TRIM26: variants seen among roughly 807,000 people sequenced by gnomAD.
The protein encoded by TRIM26 is tripartite motif-containing protein 26.
Under a neutral mutation model 45.5 loss-of-function variants are expected in TRIM26, and 16 were observed. That is an observed-to-expected ratio of 0.35 (90% CI 0.24 to 0.53). The LOEUF (loss-of-function observed/expected upper bound fraction) is 0.53. TRIM26 is among the 20% of genes least tolerant of loss of function. The probability of loss-of-function intolerance (pLI) is 0.92; values close to 1 mark genes in which losing one functional copy is unlikely to be tolerated. For synonymous variants in TRIM26, 273 were observed against 290.4 expected (o/e 0.94, Z 0.61); for missense variants, 442 against 691.1 (o/e 0.64, Z 4.04).
Position 30,186,146 on chromosome 6 carries a change from T to G in TRIM26, c.1350A>C (p.Gly450=). ...GVARDSVKRK[G]DLSLRPEDGV... is the part of the protein sequence containing the mutation. ...CATCCTCTGGCCGCAGGGAGAGGTC[T>G]CCCTTCCTCTTCACAGAGTCTCTAG... is the stretch of plus-strand genomic sequence containing the variant. Residue 450 remains glycine (G), a synonymous_variant, in exon 10 of 10, where the codon GGA becomes GGC. Transcript: ENST00000454678. The surrounding 1 kb of genome is among the most constrained non-coding windows in gnomAD (Gnocchi z 7.4). 1.3e-6 allele frequency: 2 copies of G among 1,594,138 alleles called. No individual in the cohort carries two copies. Among genetic ancestry groups the G allele is most frequent in the Non-Finnish European group, 1.7e-6 (2 of 1,169,912 alleles).
chr6:30,193,636 T>TGTA (rs1424930852), intron 6 of TRIM26, among the ~76,000 whole-genome samples: 1 of 152,198 alleles, frequency 6.6e-6, no homozygotes, highest in African/African-American at 2.4e-5. Context: ...TAACAGGGAT[T>TGTA]GTATTAAATC....
In TRIM26 at chr6:30,209,496, G is replaced by C. The variant is rs1238751615; in HGVS notation, c.-376+3809C>G. Among the ~76,000 whole-genome samples, 1 of 152,132 alleles carries C rather than the reference G, an allele frequency of 6.6e-6. No individual in the cohort carries two copies. The highest frequency in any genetic ancestry group is 1.5e-5 in the Non-Finnish European group (1 of 68,022). On this transcript the variant is annotated intron_variant, in intron 1 of 9. Transcript: ENST00000454678. The surrounding 1 kb of genome is among the most constrained non-coding windows in gnomAD (Gnocchi z 4.8). ...TCATGAATGGATTAATGCCTTTCTT[G>C]CAAGAGTCCATTGGCCAGAACCGTG...
rs1450634621 is a variant in TRIM26, at chr6:30,207,505, T to G, written c.-375-2740A>C. On this transcript the variant is annotated intron_variant, in intron 1 of 9. Transcript: ENST00000454678. This position sits in a 1 kb window ranked among gnomAD's most constrained non-coding sequence, Gnocchi z 4.9. Reference sequence around the variant, plus strand: ...CAGTGCTGCAGCCACTCTGGCCTTTTGATCCTCAAACACACTCGGTCACGT... The same window carrying G: ...CAGTGCTGCAGCCACTCTGGCCTTTGGATCCTCAAACACACTCGGTCACGT... 6.6e-6 allele frequency among the ~76,000 whole-genome samples: 1 copy of G among 152,196 alleles called. No homozygotes were observed. Among genetic ancestry groups the G allele is most frequent in the African/African-American group, 2.4e-5 (1 of 41,448 alleles).
rs149570499 is a variant in TRIM26 at position 30,201,483 on chromosome 6, G to A, written c.-265-345C>T. On this transcript the variant is annotated intron_variant, in intron 2 of 9. Transcript: ENST00000454678. The stretch of plus-strand genomic sequence containing the variant: ...CAAGCACCTTCAAAGCTCAAATGAA[G>A]GATTCAAGGAATTTAACTGTCAAGT... Among the ~76,000 whole-genome samples, 1,166 of 152,208 alleles carry A rather than the reference G, an allele frequency of 7.7e-3. 9 individuals carry two copies. Among genetic ancestry groups the A allele is most frequent in the Middle Eastern group, 0.027 (8 of 294 alleles).
chr6:30,188,238 A>AAAAAAAG (rs1562187137), intron 9 of TRIM26: 10 of 198,498 alleles, frequency 5.0e-5, no homozygotes, highest in African/African-American at 1.2e-4. Context: ...AAAAAAAAAA[A>AAAAAAAG]AAAAGAAATT....
rs1777863216 is a variant in TRIM26 at position 30,207,727 on chromosome 6, A to T, written c.-375-2962T>A. On this transcript the variant is annotated intron_variant, in intron 1 of 9. Coordinates refer to ENST00000454678, the MANE Select transcript of TRIM26 (RefSeq NM_003449.5). This position sits in a 1 kb window ranked among gnomAD's most constrained non-coding sequence, Gnocchi z 4.9. ...CTCATTTCCTGCCACTCCCCACCTC[A>T]AACTCACAGCCAAACCAAACCGCTC... 6.6e-6 allele frequency among the ~76,000 whole-genome samples: 1 copy of T among 152,132 alleles called. No homozygotes were observed. The highest frequency in any genetic ancestry group is 1.9e-4 in the East Asian group (1 of 5,192).
Position 30,196,076 on chromosome 6 carries a change from T to C in TRIM26, c.765+440A>G, listed in dbSNP as rs1776429194. On this transcript the variant is annotated intron_variant, in intron 6 of 9. Transcript: ENST00000454678. This position sits in a 1 kb window ranked among gnomAD's most constrained non-coding sequence, Gnocchi z 4.9. Reference sequence around the variant, plus strand: ...CTCTGTCTCCCTTCCCCAGTTACCCTATCTCTTCCAGATCCTCTGGGTCTT... The same window carrying C: ...CTCTGTCTCCCTTCCCCAGTTACCCCATCTCTTCCAGATCCTCTGGGTCTT... 6.6e-6 allele frequency among the ~76,000 whole-genome samples: 1 copy of C among 152,196 alleles called. No homozygotes were observed. The highest frequency in any genetic ancestry group is 1.5e-5 in the Non-Finnish European group (1 of 68,030).
intron 6 of TRIM26, among the ~76,000 whole-genome samples, chr6:30,193,182 ATTT>A (rs59857727): frequency 1.3e-3 from 52 of 38,780 alleles, no homozygotes; most frequent in African/African-American, 3.4e-3. Flanking sequence ...ATATATATAT[ATTT>A]TTTTTTTTTT....
rs373543249 is a variant in TRIM26, at chr6:30,185,635, G to A, written c.*241C>T. 15 of 566,546 alleles carry A rather than the reference G, an allele frequency of 2.6e-5. No homozygotes were observed. Among genetic ancestry groups the A allele is most frequent in the South Asian group, 1.8e-4 (7 of 39,548 alleles). The allele number at this position is 566,546 out of a possible 1,614,324, so 35.1% of individuals were successfully genotyped here. On this transcript the variant is annotated 3_prime_UTR_variant, in exon 10 of 10. Coordinates refer to ENST00000454678, the MANE Select transcript of TRIM26 (RefSeq NM_003449.5). This position sits in a 1 kb window ranked among gnomAD's most constrained non-coding sequence, Gnocchi z 5.7. ...GAAAGGAGCCCTCATGGACTCCAGG[G>A]TCAGAAGTTCCCTCGGGAAACCAGC...
intron 1 of TRIM26, among the ~76,000 whole-genome samples, chr6:30,208,904 A>ATCTGTGTGTGTGTGTG (rs71550189): frequency 2.1e-5 from 3 of 140,730 alleles, no homozygotes; most frequent in Non-Finnish European, 4.6e-5. Flanking sequence ...GATATAGAAT[A>ATCTGTGTGTGTGTGTG]TGTGTGTGTG....
intron 2 of TRIM26, among the ~76,000 whole-genome samples, chr6:30,203,664 G>A (rs1030196433): frequency 3.3e-5 from 5 of 152,054 alleles, no homozygotes; most frequent in African/African-American, 1.2e-4. Context: ...TGATCCACCT[G>A]CCTTGGCTTC....
At chr6:30,194,541 T>C (rs1342626656) in intron 6 of TRIM26, among the ~76,000 whole-genome samples, 1 of 152,200 alleles carries the variant, frequency 6.6e-6, no homozygotes, top group Non-Finnish European at 1.5e-5. Context: ...TTGATTATTA[T>C]ATATTATATA....
At position 30,209,418 on chromosome 6, in the gene TRIM26, G is replaced by A. The variant is rs750241434; in HGVS notation, c.-376+3887C>T. The stretch of plus-strand genomic sequence containing the variant: ...TTGGAAACGTAATTGCCAATGTAAC[G>A]GTATTAAGAGGTGGGGTCTTTAAGA... On this transcript the variant is annotated intron_variant, in intron 1 of 9. Transcript: ENST00000454678. This position sits in a 1 kb window ranked among gnomAD's most constrained non-coding sequence, Gnocchi z 4.8. Among the ~76,000 whole-genome samples, 6 of 152,104 alleles carry A rather than the reference G, an allele frequency of 3.9e-5. No individual in the cohort carries two copies. Among genetic ancestry groups the A allele is most frequent in the African/African-American group, 7.2e-5 (3 of 41,410 alleles).
chr6:30,199,129 C>A lies in TRIM26; in HGVS notation c.-26G>T. On this transcript the variant is annotated 5_prime_UTR_variant, in exon 4 of 10. Transcript: ENST00000454678. ...GGTATCCTTAGTTCAGAGAGGTCTC[C>A]GTTCACTGGTGAGGACTTCTTCTCC... 1 of 1,526,188 alleles carries A rather than the reference C, an allele frequency of 6.6e-7. No individual in the cohort carries two copies. The highest frequency in any genetic ancestry group is 8.8e-7 in the Non-Finnish European group (1 of 1,134,912). 94.5% of individuals were successfully genotyped at this position (1,526,188 alleles called of 1,614,324 possible).
Position 30,189,810 on chromosome 6 carries a change from C to T in TRIM26, c.788+203G>A. On this transcript the variant is annotated intron_variant, in intron 7 of 9. Transcript: ENST00000454678. The surrounding 1 kb of genome is among the most constrained non-coding windows in gnomAD (Gnocchi z 5.0). ...AGGCCAGTGGGCCAAGGAGCTGGGG[C>T]TACACAGAGAACCATAAGGAGGAGA... 1 of 646,416 alleles carries T rather than the reference C, an allele frequency of 1.5e-6. No homozygotes were observed. The highest frequency in any genetic ancestry group is 2.6e-6 in the Non-Finnish European group (1 of 384,688). 40.0% of individuals were successfully genotyped at this position (646,416 alleles called of 1,614,324 possible).
At chr6:30,188,411 G>T in intron 9 of TRIM26, 1 of 307,688 alleles carries the variant, frequency 3.3e-6, no homozygotes, top group Non-Finnish European at 6.5e-6. Flanking sequence ...GACAGAGTGG[G>T]ATAATCCTCA....
chr6:30,189,741 C>T lies in TRIM26; in HGVS notation c.789-208G>A, dbSNP rs936821800. On this transcript the variant is annotated intron_variant, in intron 7 of 9. Transcript: ENST00000454678. The surrounding 1 kb of genome is among the most constrained non-coding windows in gnomAD (Gnocchi z 5.0). Reference sequence around the variant, plus strand: ...CTCCACATCCAGGGCGCTCTGTCTACTAAGCCATGTTTCTAACCTCTCTGC... The same window carrying T: ...CTCCACATCCAGGGCGCTCTGTCTATTAAGCCATGTTTCTAACCTCTCTGC... 6.3e-6 allele frequency: 4 copies of T among 633,930 alleles called. No homozygotes were observed. Among genetic ancestry groups the T allele is most frequent in the East Asian group, 5.4e-5 (2 of 36,740 alleles). 39.3% of individuals were successfully genotyped at this position (633,930 alleles called of 1,614,324 possible). A position where few individuals can be genotyped will look rare whatever the true frequency, so the allele number is the denominator to read the frequency against.
Position 30,186,293 on chromosome 6 carries a change from G to C in TRIM26, c.1203C>G (p.Ala401=). ...EGEEEEEEEE[A]GYGDGYDDWE... is the part of the protein sequence containing the mutation. ...AGTCGTCATATCCATCCCCATAGCC[G>C]GCCTCCTCTTCCTCCTCCTCCTCTT... is the stretch of plus-strand genomic sequence containing the variant. The change falls in exon 10 of 10, where the codon GCC becomes GCG. Residue 401 remains alanine (A), a synonymous_variant. Coordinates refer to ENST00000454678, the MANE Select transcript of TRIM26 (RefSeq NM_003449.5). This position sits in a 1 kb window ranked among gnomAD's most constrained non-coding sequence, Gnocchi z 7.4. 1 of 1,607,302 alleles carries C rather than the reference G, an allele frequency of 6.2e-7. No individual in the cohort carries two copies. The highest frequency in any genetic ancestry group is 2.2e-5 in the East Asian group (1 of 44,782).
rs547268476 is a variant in TRIM26 at position 30,185,026 on chromosome 6, G to A, written c.*850C>T. 10 of 152,438 alleles carry A rather than the reference G, an allele frequency of 6.6e-5. No homozygotes were observed. Among genetic ancestry groups the A allele is most frequent in the South Asian group, 4.1e-4 (2 of 4,820 alleles). 9.4% of individuals were successfully genotyped at this position (152,438 alleles called of 1,614,324 possible). A position where few individuals can be genotyped will look rare whatever the true frequency, so the allele number is the denominator to read the frequency against. ...GCTGGGGAACCCGGTCAGAACTCCC[G>A]AGGCAGGAGAGGTTCTGCTCCACTG... On this transcript the variant is annotated 3_prime_UTR_variant, in exon 10 of 10. Transcript: ENST00000454678. The surrounding 1 kb of genome is among the most constrained non-coding windows in gnomAD (Gnocchi z 5.7).
Sources: gnomAD v4.1 joint callset for allele counts (sites outside exome capture counted in the v4.1 genomes callset) on GRCh38, gnomAD v4.1.1 for gene constraint, Gnocchi (gnomAD v3.1) non-coding constraint, MANE v1.5 for transcripts, NCBI Gene and HGNC (gene_info 2026-07-23, HGNC 2026-07-21) for gene names.